The following TOP3A variants were observed in gnomAD, a reference collection of about 807,000 sequenced individuals.
TOP3A encodes DNA topoisomerase 3-alpha.
TOP3A carries 64 observed loss-of-function variants against 111.3 expected under a neutral mutation model. That is an observed-to-expected ratio of 0.57 (90% CI 0.47 to 0.71). TOP3A has a LOEUF of 0.71. Ranked by LOEUF, TOP3A falls within the 30% of genes least tolerant of loss-of-function variation. TOP3A has a pLI of 0.00. For missense variants in TOP3A, 1,104 were observed against 1,285.0 expected (o/e 0.86, Z 2.15); for synonymous variants, 484 against 485.1 (o/e 1.00, Z 0.03).
rs767821739 is a variant in TOP3A at position 18,314,558 on chromosome 17, C to CT, written c.180+40dup. 11 of 1,563,442 alleles carry CT rather than the reference C, an allele frequency of 7.0e-6. No homozygotes were observed. In the South Asian group the frequency reaches 1.1e-4, roughly 16 times the overall value. On this transcript the variant is annotated intron_variant, in intron 1 of 18. Coordinates refer to ENST00000321105, the MANE Select transcript of TOP3A (RefSeq NM_004618.5). The stretch of plus-strand genomic sequence containing the variant: ...CACCACGCTGTCCCGCTCGGTGGGC[C>CT]TCCCTTAAGGCACGCAGCTGATCGG...
chr17:18,293,685 C>T (rs1422338118), intron 10 of TOP3A, among the ~76,000 whole-genome samples: 1 of 152,054 alleles, frequency 6.6e-6, no homozygotes, highest in Non-Finnish European at 1.5e-5. Flanking sequence ...CAACCTCTGC[C>T]TCCCGGGTTC....
At chr17:18,311,070 G>C (rs9905161) in intron 1 of TOP3A, among the ~76,000 whole-genome samples, 3,880 of 149,868 alleles carry the variant, frequency 0.026, 165 homozygotes, top group African/African-American at 0.085. Context: ...GCACAATCTC[G>C]GCTCACTGCA....
At chr17:18,302,832 A>G in intron 5 of TOP3A, 109 bp from the exon 6 acceptor site, 1 of 1,345,566 alleles carries the variant, frequency 7.4e-7, no homozygotes. Context: ...CCAGTTCAAG[A>G]AGCTGTGAGA....
intron 9 of TOP3A, among the ~76,000 whole-genome samples, chr17:18,295,703 C>A (rs1980754257): frequency 1.3e-5 from 2 of 152,042 alleles, no homozygotes. Context: ...AGGTGATCTG[C>A]CTGCCTTGGC....
intron 3 of TOP3A, 30 bp from the exon 4 acceptor site, chr17:18,306,996 C>T: frequency 6.5e-7 from 1 of 1,535,348 alleles, no homozygotes; most frequent in South Asian, 1.1e-5. Flanking sequence ...AGAGTCCCAA[C>T]TCAGTACATG....
chr17:18,292,762 G>A lies in TOP3A; in HGVS notation c.1164C>T (p.Arg388=). Residue 388 remains arginine (R), a synonymous_variant, in exon 11 of 19, where the codon CGC becomes CGT. Transcript: ENST00000321105. ...VLVEQQTPDP[R]WGAFAQSILE... The stretch of plus-strand genomic sequence containing the variant: ...GAATGCTCTGGGCAAAGGCCCCCCA[G>A]CGTGGATCGGGGGTCTGCTGTTCCA... 6.2e-7 allele frequency: 1 copy of A among 1,613,974 alleles called. No individual in the cohort carries two copies. Among genetic ancestry groups the A allele is most frequent in the Non-Finnish European group, 8.5e-7 (1 of 1,179,934 alleles).
At chr17:18,300,803 TCA>T (rs1981181113) in intron 8 of TOP3A, among the ~76,000 whole-genome samples, 1 of 152,120 alleles carries the variant, frequency 6.6e-6, no homozygotes, top group Non-Finnish European at 1.5e-5. Context: ...TTGTACAGTG[TCA>T]CAGAGACTCC....
rs1343358677 is a variant in TOP3A at position 18,290,946 on chromosome 17, T to G, written c.1363A>C (p.Thr455Pro). 3.1e-6 allele frequency: 5 copies of G among 1,614,236 alleles called. No homozygotes were observed. In the East Asian group the frequency reaches 6.7e-5, roughly 22 times the overall value. The stretch of plus-strand genomic sequence containing the variant: ...TCCTGAGCGATGTCGATCTCCACTG[T>G]GGTCTCCTGCCCCTGAGCATCCTGG... ...CSQDAQGQET[T>P]VEIDIAQERF... Residue 455 changes from threonine to proline, a missense_variant, in exon 12 of 19, where the codon ACA (threonine) becomes CCA (proline). By Grantham distance (38) the Thr-to-Pro change is conservative. Coordinates refer to ENST00000321105, the MANE Select transcript of TOP3A (RefSeq NM_004618.5).
Position 18,297,910 on chromosome 17 carries a change from T to G in TOP3A, c.990+1649A>C, listed in dbSNP as rs566743486. 2.0e-5 allele frequency among the ~76,000 whole-genome samples: 3 copies of G among 150,018 alleles called. No homozygotes were observed. The East Asian group carries it at 6.0e-4, about 30-fold the overall frequency. ...TCGTCTGGGATGTGAGGAGCCCCTCTGCCTGGCTGCCCAGTCTGGAAAGTG... is the reference window on the plus strand; with the variant it reads ...TCGTCTGGGATGTGAGGAGCCCCTCGGCCTGGCTGCCCAGTCTGGAAAGTG... On this transcript the variant is annotated intron_variant, in intron 9 of 18. Transcript: ENST00000321105.
chr17:18,284,372 C>T (rs764938289), intron 15 of TOP3A, among the ~76,000 whole-genome samples: 13 of 151,998 alleles, frequency 8.6e-5, no homozygotes, highest in South Asian at 2.1e-4. Flanking sequence ...TCACTGGCCA[C>T]GTGTGATCAA....
intron 5 of TOP3A, among the ~76,000 whole-genome samples, chr17:18,303,928 C>A (rs1250743932): frequency 6.6e-6 from 1 of 152,162 alleles, no homozygotes; most frequent in Non-Finnish European, 1.5e-5. Context: ...TGTGGAGGGG[C>A]AGGCCCCCTC....
chr17:18,282,672 G>A, intron 16 of TOP3A, 26 bp downstream of exon 16: 1 of 1,612,378 alleles, frequency 6.2e-7, no homozygotes, highest in Non-Finnish European at 8.5e-7. Flanking sequence ...GGGAGCAGAG[G>A]TGGGGGCAGA....
intron 5 of TOP3A, among the ~76,000 whole-genome samples, chr17:18,303,586 C>A (rs900137584): frequency 5.9e-5 from 9 of 152,200 alleles, no homozygotes; most frequent in African/African-American, 2.2e-4. Flanking sequence ...CTCTTTACTG[C>A]ACTGAGATGT....
chr17:18,274,993 T>TC lies in TOP3A; in HGVS notation c.2828-14dup. 1 of 1,611,706 alleles carries TC rather than the reference T, an allele frequency of 6.2e-7. No individual in the cohort carries two copies. Among genetic ancestry groups the TC allele is most frequent in the Non-Finnish European group, 8.5e-7 (1 of 1,179,002 alleles). On this transcript the variant is annotated splice_polypyrimidine_tract_variant and intron_variant, in intron 18 of 18. Transcript: ENST00000321105. Reference sequence around the variant, plus strand: ...GCTCCAGAAGTCCCTGTCGGGAGAGTCAGGGGAGGGGTGAGGTTAGAACTG... The same window carrying TC: ...GCTCCAGAAGTCCCTGTCGGGAGAGTCCAGGGGAGGGGTGAGGTTAGAACTG...
rs1192550817 is a variant in TOP3A at position 18,273,477 on chromosome 17, C to T, written c.*1325G>A. 6.6e-6 allele frequency: 1 copy of T among 152,200 alleles called. No individual in the cohort carries two copies. Among genetic ancestry groups the T allele is most frequent in the Non-Finnish European group, 1.5e-5 (1 of 68,052 alleles). The allele number at this position is 152,200 out of a possible 1,614,324, so 9.4% of individuals were successfully genotyped here. On this transcript the variant is annotated 3_prime_UTR_variant, in exon 19 of 19. Coordinates refer to ENST00000321105, the MANE Select transcript of TOP3A (RefSeq NM_004618.5). ...GTGGAAAGGGAGGAAGGGCTCTCCA[C>T]ATGGGACACAAGGGACAGCCATGAA...
chr17:18,287,615 C>G (rs1980184304), intron 13 of TOP3A, among the ~76,000 whole-genome samples: 1 of 152,118 alleles, frequency 6.6e-6, no homozygotes, highest in Admixed American at 6.6e-5. Flanking sequence ...ACTTGGGAAG[C>G]TGAGGTGGAA....
intron 5 of TOP3A, 193 bp from the exon 6 acceptor site, chr17:18,302,916 C>T: frequency 3.5e-6 from 2 of 575,524 alleles, no homozygotes; most frequent in Non-Finnish European, 5.9e-6. Flanking sequence ...AACCTTTAAA[C>T]TGAGTGTACT....
In TOP3A at chr17:18,292,653, T is replaced by C. The variant is rs769328102; in HGVS notation, c.1273A>G (p.Asn425Asp). The change falls in exon 11 of 19, where the codon AAC (asparagine) becomes GAC (aspartate). Residue 425 changes from asparagine (N) to aspartate (D), a missense_variant. Physicochemically the swap from Asn to Asp is conservative, Grantham distance 23. Transcript: ENST00000321105. Reference sequence around the variant, plus strand: ...CATTCAGGGAAACCAACCTGTAAGTTGTTGGTGTATTTGGTGGGGTGAATG... The same window carrying C: ...CATTCAGGGAAACCAACCTGTAAGTCGTTGGTGTATTTGGTGGGGTGAATG... Reference protein sequence around the residue: ...PPIHPTKYTNNLQGDEQRLYE... With the variant: ...PPIHPTKYTNDLQGDEQRLYE... 5.7e-6 allele frequency: 9 copies of C among 1,566,350 alleles called. No homozygotes were observed. Among genetic ancestry groups the C allele is most frequent in the Non-Finnish European group, 7.8e-6 (9 of 1,151,452 alleles).
intron 1 of TOP3A, among the ~76,000 whole-genome samples, chr17:18,311,386 C>T (rs1981902291): frequency 6.6e-6 from 1 of 152,086 alleles, no homozygotes; most frequent in Non-Finnish European, 1.5e-5. Context: ...CTCCACTTCC[C>T]GGGTTGAAGC....
Sources: gnomAD v4.1 joint callset for allele counts (sites outside exome capture counted in the v4.1 genomes callset) on GRCh38, gnomAD v4.1.1 for gene constraint, MANE v1.5 for transcripts, NCBI Gene and HGNC (gene_info 2026-07-23, HGNC 2026-07-21) for gene names.